The following DAB1 variants were observed in gnomAD, a reference collection of about 807,000 sequenced individuals.
DAB1 encodes the protein disabled homolog 1.
DAB1 carries 15 observed loss-of-function variants against 64.6 expected under a neutral mutation model. The observed-to-expected ratio is 0.23, with a 90% CI of 0.16 to 0.36. The LOEUF is 0.36. DAB1 is among the 10% of genes least tolerant of loss of function. The pLI is 1.00. For synonymous variants in DAB1, 235 were observed against 251.9 expected, an observed-to-expected ratio of 0.93 and a Z score of 0.64; for missense variants, 596 against 706.7, an observed-to-expected ratio of 0.84 and a Z score of 1.78.
chr1:57,101,470 T>C (rs765658101), intron 4 of DAB1, among the ~76,000 whole-genome samples: 8 of 152,238 alleles, frequency 5.3e-5, no homozygotes, highest in Non-Finnish European at 7.3e-5. Flanking sequence ...CAGTCTCTGA[T>C]GTGCAAACCT....
At chr1:57,731,804 C>CAAAA (rs34262128) in intron 6 of DAB1, among the ~76,000 whole-genome samples, 1 of 147,646 alleles carries the variant, frequency 6.8e-6, no homozygotes, top group South Asian at 2.2e-4. Context: ...GATGCTGTCT[C>CAAAA]AAAAAAAAAA....
intron 4 of DAB1, among the ~76,000 whole-genome samples, chr1:58,318,040 G>GAT (rs1662597242): frequency 6.6e-6 from 1 of 152,160 alleles, no homozygotes; most frequent in Non-Finnish European, 1.5e-5. Context: ...ATTAAAGCAA[G>GAT]GTTAGGGATC....
intron 7 of DAB1, among the ~76,000 whole-genome samples, chr1:57,455,860 T>C (rs1186813845): frequency 1.3e-5 from 2 of 152,162 alleles, no homozygotes; most frequent in Non-Finnish European, 2.9e-5. Flanking sequence ...CGATTTAATA[T>C]ATCTGTCATT....
At chr1:57,081,148 C>T (rs1013990084) in intron 4 of DAB1, among the ~76,000 whole-genome samples, 2 of 152,196 alleles carry the variant, frequency 1.3e-5, no homozygotes, top group Non-Finnish European at 2.9e-5. Flanking sequence ...GGCTTTGTGG[C>T]CATGAACAAG....
At chr1:57,940,106 G>A (rs1645081115) in intron 5 of DAB1, among the ~76,000 whole-genome samples, 1 of 152,186 alleles carries the variant, frequency 6.6e-6, no homozygotes, top group Non-Finnish European at 1.5e-5. Context: ...AATGCTGAAT[G>A]TGCAGGCTTC....
intron 1 of DAB1, among the ~76,000 whole-genome samples, chr1:57,352,219 G>T (rs1678645597): frequency 6.6e-6 from 1 of 152,076 alleles, no homozygotes; most frequent in South Asian, 2.1e-4. Flanking sequence ...ATGACTTGGA[G>T]TACACCATTT....
At position 57,023,511 on chromosome 1, in the gene DAB1, G is replaced by A. The variant is rs1005968442; in HGVS notation, c.895+20C>T. ...ATGAGTGAAGGCCAAAGGAAGGGAA[G>A]CTGGTGGAAGAGGGCTTACCTGAGG... On this transcript the variant is annotated intron_variant, in intron 11 of 14. Transcript: ENST00000371236. 8 of 1,422,956 alleles carry A rather than the reference G, an allele frequency of 5.6e-6. No individual in the cohort carries two copies. The highest frequency in any genetic ancestry group is 1.8e-5 in the Admixed American group (1 of 55,776). 88.1% of individuals were successfully genotyped at this position (1,422,956 alleles called of 1,614,324 possible).
intron 1 of DAB1, among the ~76,000 whole-genome samples, chr1:57,321,813 T>A (rs1367136490): frequency 6.6e-6 from 1 of 152,182 alleles, no homozygotes; most frequent in Admixed American, 6.5e-5. Flanking sequence ...TATATGGTAG[T>A]CACATTTACT....
intron 7 of DAB1, among the ~76,000 whole-genome samples, chr1:57,448,118 G>A (rs1686217386): frequency 6.6e-6 from 1 of 152,176 alleles, no homozygotes; most frequent in African/African-American, 2.4e-5. Context: ...GCCTCCTTGA[G>A]TCACCCTAGT....
intron 4 of DAB1, among the ~76,000 whole-genome samples, chr1:58,341,409 G>A (rs1260283850): frequency 6.6e-6 from 1 of 152,136 alleles, no homozygotes; most frequent in East Asian, 1.9e-4. Context: ...CCAGTTTCAT[G>A]CTCTTTCAAT....
chr1:58,093,789 A>C (rs1032588602), intron 5 of DAB1, among the ~76,000 whole-genome samples: 1 of 152,134 alleles, frequency 6.6e-6, no homozygotes, highest in African/African-American at 2.4e-5. Context: ...CAGTTTTGAA[A>C]TACTACTTGA....
At chr1:57,953,979 C>A (rs1017964990) in intron 5 of DAB1, among the ~76,000 whole-genome samples, 2 of 152,036 alleles carry the variant, frequency 1.3e-5, no homozygotes, top group East Asian at 3.9e-4. Flanking sequence ...TTTTATTAAC[C>A]CTTCCCATAC....
chr1:57,480,985 A>G (rs925625447), intron 7 of DAB1, among the ~76,000 whole-genome samples: 1 of 152,156 alleles, frequency 6.6e-6, no homozygotes, highest in Non-Finnish European at 1.5e-5. Context: ...CCATTCCAAC[A>G]AGGCCTATAA....
intron 9 of DAB1, among the ~76,000 whole-genome samples, chr1:57,052,630 C>T (rs1051120123): frequency 5.9e-5 from 9 of 152,150 alleles, no homozygotes; most frequent in Non-Finnish European, 1.3e-4. Flanking sequence ...GGGTACCTGA[C>T]ATGGTAGCTG....
At chr1:57,453,955 T>A (rs577962601) in intron 7 of DAB1, among the ~76,000 whole-genome samples, 1 of 152,308 alleles carries the variant, frequency 6.6e-6, no homozygotes, top group South Asian at 2.1e-4. Flanking sequence ...AGTTTTTGAA[T>A]CCCTGTTGAA....
chr1:58,480,893 T>G, intron 3 of DAB1: 1 of 740,554 alleles, frequency 1.4e-6, no homozygotes, highest in South Asian at 1.9e-5. Flanking sequence ...CAAACATCAT[T>G]TTTTAAAAAG....
At chr1:57,846,163 T>C (rs1653271305) in intron 1 of DAB1, among the ~76,000 whole-genome samples, 1 of 152,064 alleles carries the variant, frequency 6.6e-6, no homozygotes, top group African/African-American at 2.4e-5. Flanking sequence ...GTTTTTTTAA[T>C]TAAAAATTCA....
chr1:58,348,100 T>C (rs1174988653), intron 3 of DAB1, among the ~76,000 whole-genome samples: 2 of 152,152 alleles, frequency 1.3e-5, no homozygotes, highest in Non-Finnish European at 2.9e-5. Context: ...CCTTCCCTCA[T>C]TGCTCTGTTG....
At chr1:57,459,710 T>C (rs1686717264) in intron 7 of DAB1, among the ~76,000 whole-genome samples, 1 of 152,094 alleles carries the variant, frequency 6.6e-6, no homozygotes, top group Non-Finnish European at 1.5e-5. Flanking sequence ...CAAAGCAAAT[T>C]ACATAGAACA....
Sources: gnomAD v4.1 joint callset for allele counts (sites outside exome capture counted in the v4.1 genomes callset) on GRCh38, gnomAD v4.1.1 for gene constraint, MANE v1.5 for transcripts, NCBI Gene and HGNC (gene_info 2026-07-23, HGNC 2026-07-21) for gene names.